Variants in GARRE1 observed in about 807,000 individuals in gnomAD.
The protein encoded by GARRE1 is granule associated Rac and RHOG effector 1.
In GARRE1, 49 loss-of-function variants were observed where a neutral mutation model predicts 103.2. The observed-to-expected ratio is 0.47, with a 90% CI of 0.38 to 0.60. GARRE1 has a LOEUF of 0.60. Among genes scored for constraint, GARRE1 ranks in the 20% least tolerant of loss-of-function variants. The probability of loss-of-function intolerance (pLI) is 0.00; values close to 1 mark genes in which losing one functional copy is unlikely to be tolerated. For synonymous variants in GARRE1, 505 were observed against 532.8 expected, an observed-to-expected ratio of 0.95 and a Z score of 0.72; for missense variants, 1,199 against 1,370.5, an observed-to-expected ratio of 0.87 and a Z score of 1.98.
intron 1 of GARRE1, among the ~76,000 whole-genome samples, chr19:34,258,744 C>T (rs66529158): frequency 0.13 from 20,390 of 151,444 alleles, 1,993 homozygotes; most frequent in African/African-American, 0.27. Context: ...GAGCTGAGAT[C>T]GTGCCACTGC....
chr19:34,301,051 A>C, intron 2 of GARRE1, 83 bp downstream of exon 2: 2 of 1,390,604 alleles, frequency 1.4e-6, no homozygotes, highest in Non-Finnish European at 2.0e-6. Context: ...TTTTTTCCAA[A>C]TCACTGTAAT....
intron 2 of GARRE1, among the ~76,000 whole-genome samples, chr19:34,306,761 A>G (rs1409317638): frequency 2.0e-5 from 3 of 152,206 alleles, no homozygotes; most frequent in African/African-American, 7.2e-5. Flanking sequence ...GTGTACATAA[A>G]TAAAAGAATC....
chr19:34,262,923 A>T (rs966718631), intron 1 of GARRE1, among the ~76,000 whole-genome samples: 2 of 152,060 alleles, frequency 1.3e-5, no homozygotes, highest in African/African-American at 4.8e-5. Context: ...GTTTAAAAAA[A>T]TATATATAGG....
At chr19:34,280,181 AC>A (rs1454219914) in intron 1 of GARRE1, among the ~76,000 whole-genome samples, 2 of 152,042 alleles carry the variant, frequency 1.3e-5, no homozygotes, top group Non-Finnish European at 2.9e-5. Flanking sequence ...TCTCATGAGA[AC>A]CCACTCACTA....
At chr19:34,295,363 C>G (rs143137813) in intron 1 of GARRE1, among the ~76,000 whole-genome samples, 54 of 152,224 alleles carry the variant, frequency 3.5e-4, no homozygotes, top group Middle Eastern at 3.4e-3. Flanking sequence ...TTCCAGAGTT[C>G]TGAAAAAGGT....
At chr19:34,302,110 C>T (rs1021734218) in intron 2 of GARRE1, among the ~76,000 whole-genome samples, 1 of 149,840 alleles carries the variant, frequency 6.7e-6, no homozygotes, top group African/African-American at 2.5e-5. Flanking sequence ...TCTGCCTCAG[C>T]CTCCTGAGTA....
In GARRE1 at chr19:34,300,202, T is replaced by G. The variant is rs543195545; in HGVS notation, c.-272T>G. On this transcript the variant is annotated 5_prime_UTR_variant, in exon 2 of 14. Coordinates refer to ENST00000299505, the MANE Select transcript of GARRE1 (RefSeq NM_014686.5). ...TTTCTCAGCAAGCATATCCTTTTAG[T>G]AAGAGAGTGGAATGCTAAACAGTTC... 2.1e-5 allele frequency: 8 copies of G among 377,520 alleles called. No homozygotes were observed. The South Asian group carries it at 9.2e-4, about 43-fold the overall frequency. 23.4% of individuals were successfully genotyped at this position (377,520 alleles called of 1,614,324 possible).
At chr19:34,290,510 CTCTT>C (rs1409754194) in intron 1 of GARRE1, among the ~76,000 whole-genome samples, 1 of 152,082 alleles carries the variant, frequency 6.6e-6, no homozygotes, top group Non-Finnish European at 1.5e-5. Flanking sequence ...CTCTCTCTCT[CTCTT>C]AGAGACAGGG....
intron 2 of GARRE1, among the ~76,000 whole-genome samples, chr19:34,310,780 A>G (rs2074032643): frequency 1.3e-5 from 2 of 152,130 alleles, no homozygotes; most frequent in African/African-American, 4.8e-5. Context: ...TGATTCGGCA[A>G]AACTTTCAAC....
chr19:34,300,467 C>T lies in GARRE1; in HGVS notation c.-7C>T. 6.5e-7 allele frequency: 1 copy of T among 1,544,810 alleles called. No individual in the cohort carries two copies. The highest frequency in any genetic ancestry group is 1.4e-5 in the African/African-American group (1 of 73,058). On this transcript the variant is annotated 5_prime_UTR_variant, in exon 2 of 14. Coordinates refer to ENST00000299505, the MANE Select transcript of GARRE1 (RefSeq NM_014686.5). ...CTTACGGTTGCTGGGACAATTCCCC[C>T]TCCCGCATGTATTGCTGCAGTGCCC...
At chr19:34,289,475 C>T (rs2073905162) in intron 1 of GARRE1, among the ~76,000 whole-genome samples, 3 of 151,334 alleles carry the variant, frequency 2.0e-5, no homozygotes, top group Admixed American at 2.0e-4. Flanking sequence ...GCCTGTAATC[C>T]CAGCACTTTG....
At chr19:34,335,122 T>C (rs977391532) in intron 8 of GARRE1, among the ~76,000 whole-genome samples, 1 of 151,968 alleles carries the variant, frequency 6.6e-6, no homozygotes, top group Admixed American at 6.6e-5. Context: ...ATACTAAATA[T>C]AGTGACAATA....
intron 1 of GARRE1, among the ~76,000 whole-genome samples, chr19:34,275,474 T>G (rs1340792367): frequency 6.6e-6 from 1 of 152,100 alleles, no homozygotes; most frequent in African/African-American, 2.4e-5. Context: ...ACGTAATTGG[T>G]ACAGTTCATA....
Position 34,342,143 on chromosome 19 carries a change from C to G in GARRE1, c.2209C>G (p.Leu737Val), listed in dbSNP as rs1236500424. The change falls in exon 10 of 14, where the codon CTA becomes GTA. Residue 737 changes from leucine to valine, a missense_variant. By Grantham distance (32) the Leu-to-Val change is conservative (BLOSUM62 1). Coordinates refer to ENST00000299505, the MANE Select transcript of GARRE1 (RefSeq NM_014686.5). ...ACCTCAAGTCCAATACTACCAACAC[C>G]TACTCCAGCCCATTGGACCGCAGCA... is the stretch of plus-strand genomic sequence containing the variant. ...QQPQVQYYQH[L>V]LQPIGPQQPP... The G allele has an allele frequency of 1.3e-5, 21 of 1,614,026 alleles. No individual in the cohort carries two copies. The highest frequency in any genetic ancestry group is 4.5e-5 in the East Asian group (2 of 44,892).
intron 1 of GARRE1, among the ~76,000 whole-genome samples, chr19:34,272,398 C>A (rs987866016): frequency 6.6e-6 from 1 of 152,076 alleles, no homozygotes; most frequent in Non-Finnish European, 1.5e-5. Context: ...AGGGTTTTGC[C>A]ATGTTGGTCA....
At chr19:34,339,151 G>A (rs1423829576) in intron 8 of GARRE1, among the ~76,000 whole-genome samples, 1 of 152,134 alleles carries the variant, frequency 6.6e-6, no homozygotes, top group East Asian at 1.9e-4. Context: ...CAGAGTGTCT[G>A]AGCTAGCACA....
chr19:34,280,913 A>G (rs1418659783), intron 1 of GARRE1, among the ~76,000 whole-genome samples: 2 of 151,974 alleles, frequency 1.3e-5, no homozygotes, highest in African/African-American at 4.8e-5. Context: ...CATTACAATT[A>G]AGATGTAAAT....
At chr19:34,323,836 C>T (rs1435173555) in intron 3 of GARRE1, among the ~76,000 whole-genome samples, 1 of 152,146 alleles carries the variant, frequency 6.6e-6, no homozygotes, top group South Asian at 2.1e-4. Context: ...TCACCTTGAC[C>T]TTTTTTGCCA....
intron 3 of GARRE1, among the ~76,000 whole-genome samples, chr19:34,324,749 G>A (rs1400656298): frequency 1.3e-5 from 2 of 151,816 alleles, no homozygotes; most frequent in South Asian, 2.1e-4. Context: ...TCCTGCACCC[G>A]GTCTGTAAAT....
Sources: allele counts gnomAD v4.1 joint callset (sites outside exome capture counted in the v4.1 genomes callset), GRCh38; gene constraint gnomAD v4.1.1; transcripts MANE v1.5; gene names NCBI Gene and HGNC (gene_info 2026-07-23, HGNC 2026-07-21).